Variants in BBOF1 observed in about 807,000 individuals in gnomAD.
BBOF1 encodes the protein basal body-orientation factor 1.
In BBOF1, 62 loss-of-function variants were observed where a neutral mutation model predicts 68.0. The ratio of observed to expected loss-of-function variants is 0.91; its 90% CI spans 0.74 to 1.13. The LOEUF is 1.13. Among genes scored for constraint, BBOF1 ranks in the 50% most tolerant of loss-of-function variants. BBOF1 has a pLI of 0.00. For synonymous variants in BBOF1, 208 were observed against 198.8 expected (o/e 1.05, Z -0.39); for missense variants, 534 against 600.1 (o/e 0.89, Z 1.15).
At chr14:74,071,804 G>T in intron 9 of BBOF1, 1 of 1,510,178 alleles carries the variant, frequency 6.6e-7, no homozygotes, top group Non-Finnish European at 9.2e-7. Context: ...CAAAATCTAT[G>T]TAAAGGAAGA....
At chr14:74,071,657 T>G in intron 9 of BBOF1, 1 of 1,532,132 alleles carries the variant, frequency 6.5e-7, no homozygotes, top group Non-Finnish European at 8.8e-7. Flanking sequence ...CAAAATGAGA[T>G]TCTCTGAATG....
intron 9 of BBOF1, 152 bp downstream of exon 9, chr14:74,055,837 C>A: frequency 7.3e-6 from 4 of 545,838 alleles, no homozygotes; most frequent in Non-Finnish European, 1.3e-5. Context: ...ACTGCAGCTC[C>A]CAGAGATAAA....
At chr14:74,044,577 C>A (rs2059906665) in intron 5 of BBOF1, among the ~76,000 whole-genome samples, 1 of 151,424 alleles carries the variant, frequency 6.6e-6, no homozygotes, top group Non-Finnish European at 1.5e-5. Flanking sequence ...ATCCTCCTGG[C>A]TCAGTCTTCT....
rs1350556712 is a variant in BBOF1 at position 74,057,894 on chromosome 14, AGT to A, written c.1578+641_1578+642del. On this transcript the variant is annotated intron_variant, in intron 11 of 11. Coordinates refer to ENST00000394009, the MANE Select transcript of BBOF1 (RefSeq NM_025057.3). The stretch of plus-strand genomic sequence containing the variant: ...TAATTAGAGCATCACAGTTCTGATT[AGT>A]GTGTTTTTTTAGAAGTGATTTCCCT... The A allele has an allele frequency of 9.0e-6, 9 of 998,584 alleles. No homozygotes were observed. The African/African-American group carries it at 1.6e-4, about 17-fold the overall frequency. The allele number at this position is 998,584 out of a possible 1,614,324, so 61.9% of individuals were successfully genotyped here.
chr14:74,030,504 C>CT (rs201299886), intron 3 of BBOF1, among the ~76,000 whole-genome samples: 33 of 148,300 alleles, frequency 2.2e-4, no homozygotes, highest in African/African-American at 7.1e-4. Context: ...AGAAATCCAA[C>CT]TTTTTTTTTT....
rs1017696688 is a variant in BBOF1 at position 74,019,364 on chromosome 14, T to C, written c.-115T>C. 2 of 1,339,812 alleles carry C rather than the reference T, an allele frequency of 1.5e-6. No individual in the cohort carries two copies. Among genetic ancestry groups the C allele is most frequent in the Non-Finnish European group, 9.7e-7 (1 of 1,031,322 alleles). The allele number at this position is 1,339,812 out of a possible 1,614,324, so 83.0% of individuals were successfully genotyped here. A position where few individuals can be genotyped will look rare whatever the true frequency, so the allele number is the denominator to read the frequency against. On this transcript the variant is annotated 5_prime_UTR_variant, in exon 1 of 12. Coordinates refer to ENST00000394009, the MANE Select transcript of BBOF1 (RefSeq NM_025057.3). ...GGGCGCGTGCGCTCTCCGCGCGCCGTCAGCGGCGCGGGTGGGGCATTGCCA... is the reference window on the plus strand; with the variant it reads ...GGGCGCGTGCGCTCTCCGCGCGCCGCCAGCGGCGCGGGTGGGGCATTGCCA...
At chr14:74,077,263 A>C (rs2060622629) in intron 9 of BBOF1, among the ~76,000 whole-genome samples, 1 of 152,034 alleles carries the variant, frequency 6.6e-6, no homozygotes, top group South Asian at 2.1e-4. Context: ...CCTACCCCAA[A>C]CTAGGTTAAG....
At chr14:74,071,382 G>A (rs2060547099) in intron 9 of BBOF1, 1 of 1,614,018 alleles carries the variant, frequency 6.2e-7, no homozygotes, top group Non-Finnish European at 8.5e-7. Flanking sequence ...ATGGAGCAAT[G>A]CCTGCACACA....
At chr14:74,025,082 A>T (rs1232298551) in intron 2 of BBOF1, among the ~76,000 whole-genome samples, 1 of 152,144 alleles carries the variant, frequency 6.6e-6, no homozygotes, top group Non-Finnish European at 1.5e-5. Flanking sequence ...TTTATTTTTA[A>T]AATTACTCTT....
At chr14:74,044,391 G>A (rs1057449684) in intron 5 of BBOF1, among the ~76,000 whole-genome samples, 5 of 151,658 alleles carry the variant, frequency 3.3e-5, no homozygotes, top group Non-Finnish European at 7.4e-5. Context: ...TTAGGGGACT[G>A]TATAGCATCA....
chr14:74,063,678 CA>C (rs998906105), intron 11 of BBOF1, among the ~76,000 whole-genome samples: 1 of 151,260 alleles, frequency 6.6e-6, no homozygotes, highest in African/African-American at 2.4e-5. Context: ...CCAGCCTGGC[CA>C]AAATGGTGAA....
downstream of BBOF1, chr14:74,069,121 T>TTTTTTTG (rs2060514177): frequency 1.1e-6 from 1 of 949,772 alleles, no homozygotes; most frequent in African/African-American, 1.7e-5. Context: ...TTTTTTTTTT[T>TTTTTTTG]TGAGACGGAG....
exon 13 of BBOF1, chr14:74,082,810 A>G (rs1471617690): frequency 6.6e-6 from 1 of 152,188 alleles, no homozygotes; most frequent in Non-Finnish European, 1.5e-5. Context: ...GTTTCTCCAA[A>G]TGAATCAGAA....
chr14:74,067,835 G>T (rs750579620), downstream of BBOF1, among the ~76,000 whole-genome samples: 3 of 152,000 alleles, frequency 2.0e-5, no homozygotes, highest in Non-Finnish European at 2.9e-5. Flanking sequence ...TGAGGTAGGG[G>T]GACCACTTGA....
downstream of BBOF1, chr14:74,068,789 G>C (rs2060508134): frequency 6.4e-7 from 1 of 1,562,548 alleles, no homozygotes; most frequent in Admixed American, 1.7e-5. Flanking sequence ...TGGCCTCTCT[G>C]CTGAAGGTCT....
rs750375501 is a variant in BBOF1, at chr14:74,055,617, T to G, written c.1320T>G (p.Asp440Glu). The G allele has an allele frequency of 6.2e-7, 1 of 1,613,972 alleles. No individual in the cohort carries two copies. The highest frequency in any genetic ancestry group is 8.5e-7 in the Non-Finnish European group (1 of 1,179,914). Reference sequence around the variant, plus strand: ...TTGAAGGAAATGTGGATATTGGAGATTTGACCTGGGAGCAGAAGGAAAAAG... The same window carrying G: ...TTGAAGGAAATGTGGATATTGGAGAGTTGACCTGGGAGCAGAAGGAAAAAG... ...THIEGNVDIG[D>E]LTWEQKEKVL... The change falls in exon 9 of 12, where the codon GAT (aspartate) becomes GAG (glutamate). Residue 440 changes from aspartate (D) to glutamate (E), a missense_variant. Transcript: ENST00000394009.
Position 74,019,452 on chromosome 14 carries a change from G to T in BBOF1, c.-27G>T. 1.9e-6 allele frequency: 3 copies of T among 1,594,688 alleles called. No homozygotes were observed. Among genetic ancestry groups the T allele is most frequent in the Non-Finnish European group, 2.6e-6 (3 of 1,171,090 alleles). ...AGGGCGGCCGCGGCTGGGCAACTACGACAGCGGAGCCCCTGGGGAAGCCAA... is the reference window on the plus strand; with the variant it reads ...AGGGCGGCCGCGGCTGGGCAACTACTACAGCGGAGCCCCTGGGGAAGCCAA... On this transcript the variant is annotated 5_prime_UTR_variant, in exon 1 of 12. Transcript: ENST00000394009.
intron 11 of BBOF1, chr14:74,060,050 CTA>C (rs2060305609): frequency 6.4e-6 from 1 of 155,802 alleles, no homozygotes; most frequent in South Asian, 1.9e-4. Context: ...TTAGGTAGCG[CTA>C]TGTTTGAGGA....
At chr14:74,064,667 T>A (rs2060429326) in intron 11 of BBOF1, 21 bp from the exon 12 acceptor site, 1 of 1,613,774 alleles carries the variant, frequency 6.2e-7, no homozygotes, top group African/African-American at 1.3e-5. Context: ...AAAATTTTGT[T>A]AACTTTTAAA....
Sources: allele counts gnomAD v4.1 joint callset (sites outside exome capture counted in the v4.1 genomes callset), GRCh38; gene constraint gnomAD v4.1.1; transcripts MANE v1.5; gene names NCBI Gene and HGNC (gene_info 2026-07-23, HGNC 2026-07-21).